Variants in SYT1 observed in about 807,000 individuals in gnomAD.
SYT1 encodes the protein synaptotagmin-1.
SYT1 carries 8 observed loss-of-function variants against 44.8 expected under a neutral mutation model. The ratio of observed to expected loss-of-function variants is 0.18; its 90% confidence interval spans 0.10 to 0.32. The LOEUF is 0.32. Among genes scored for constraint, SYT1 ranks in the 10% least tolerant of loss-of-function variants. SYT1 has a pLI of 1.00. For missense variants in SYT1, 286 were observed against 509.3 expected, an observed-to-expected ratio of 0.56 and a Z score of 4.22; for synonymous variants, 154 against 188.8, an observed-to-expected ratio of 0.82 and a Z score of 1.51.
At chr12:79,009,396 C>G (rs75514950) in intron 2 of SYT1, among the ~76,000 whole-genome samples, 11,632 of 152,210 alleles carry the variant, frequency 0.076, 575 homozygotes, top group East Asian at 0.15. Flanking sequence ...AACCTACTTT[C>G]AGTCTTCCCT....
At chr12:79,437,600 A>G (rs765406337) in intron 9 of SYT1, among the ~76,000 whole-genome samples, 7 of 152,186 alleles carry the variant, frequency 4.6e-5, no homozygotes, top group Non-Finnish European at 1.0e-4. Flanking sequence ...TGGGGTCCCT[A>G]TAATTGGAGA....
At chr12:79,110,994 G>A (rs1474719971) in intron 3 of SYT1, among the ~76,000 whole-genome samples, 1 of 152,020 alleles carries the variant, frequency 6.6e-6, no homozygotes, top group Non-Finnish European at 1.5e-5. Context: ...AACTCAACAA[G>A]CAGTGTTCCT....
chr12:79,187,426 C>A (rs897582038), intron 3 of SYT1, among the ~76,000 whole-genome samples: 2 of 152,072 alleles, frequency 1.3e-5, no homozygotes, highest in African/African-American at 4.8e-5. Context: ...GTTTTTATGT[C>A]TATCTTTAGT....
At chr12:79,327,445 C>A (rs1182243049) in intron 8 of SYT1, among the ~76,000 whole-genome samples, 1 of 152,134 alleles carries the variant, frequency 6.6e-6, no homozygotes, top group African/African-American at 2.4e-5. Flanking sequence ...AAAGCCTGTG[C>A]TCTAGGTAAC....
intron 3 of SYT1, among the ~76,000 whole-genome samples, chr12:79,206,503 TC>T (rs1254283525): frequency 6.6e-6 from 1 of 151,202 alleles, no homozygotes; most frequent in Non-Finnish European, 1.5e-5. Flanking sequence ...TTAAGAAAAA[TC>T]CCCATTTCAA....
At chr12:79,072,459 G>T (rs1469434514) in intron 3 of SYT1, among the ~76,000 whole-genome samples, 1 of 151,990 alleles carries the variant, frequency 6.6e-6, no homozygotes, top group Non-Finnish European at 1.5e-5. Flanking sequence ...ACGTACATAA[G>T]ATTAACACAT....
chr12:79,251,017 T>G (rs570912473), intron 4 of SYT1, among the ~76,000 whole-genome samples: 1 of 152,256 alleles, frequency 6.6e-6, no homozygotes, highest in South Asian at 2.1e-4. Flanking sequence ...AGCATTGTAC[T>G]CAATGTGGAA....
At chr12:79,273,525 G>A (rs1466891749) in intron 4 of SYT1, among the ~76,000 whole-genome samples, 1 of 152,142 alleles carries the variant, frequency 6.6e-6, no homozygotes, top group Admixed American at 6.6e-5. Context: ...AGTCTCCAAA[G>A]GGCAAAAGAG....
intron 4 of SYT1, among the ~76,000 whole-genome samples, chr12:79,279,129 GA>G (rs1472674900): frequency 6.6e-6 from 1 of 151,556 alleles, no homozygotes. Context: ...AGTGGATCAA[GA>G]AGGAGAGAAT....
At chr12:79,069,714 T>C (rs894588246) in intron 3 of SYT1, among the ~76,000 whole-genome samples, 1 of 152,112 alleles carries the variant, frequency 6.6e-6, no homozygotes, top group Non-Finnish European at 1.5e-5. Flanking sequence ...AATAAGGATA[T>C]AGTCAGATGT....
chr12:79,432,033 G>T (rs1869821775), intron 9 of SYT1, among the ~76,000 whole-genome samples: 2 of 152,030 alleles, frequency 1.3e-5, no homozygotes, highest in Non-Finnish European at 2.9e-5. Context: ...GGTCATCAAT[G>T]AATTAAAATG....
At chr12:79,350,023 T>A (rs1882818440) in intron 8 of SYT1, among the ~76,000 whole-genome samples, 1 of 152,124 alleles carries the variant, frequency 6.6e-6, no homozygotes, top group African/African-American at 2.4e-5. Context: ...AAGACTTCAC[T>A]GAGGAAATGA....
chr12:78,988,270 A>G (rs1869788956), intron 2 of SYT1, among the ~76,000 whole-genome samples: 2 of 151,778 alleles, frequency 1.3e-5, no homozygotes, highest in South Asian at 4.2e-4. Flanking sequence ...GATATTAAAC[A>G]AATAAACAAT....
At chr12:79,408,880 T>C (rs1004513432) in intron 9 of SYT1, among the ~76,000 whole-genome samples, 3 of 152,118 alleles carry the variant, frequency 2.0e-5, no homozygotes, top group African/African-American at 4.8e-5. Flanking sequence ...TCTACAATTA[T>C]GCACTTATCC....
intron 4 of SYT1, among the ~76,000 whole-genome samples, chr12:79,224,771 T>TATA (rs1268312502): frequency 7.0e-6 from 1 of 142,438 alleles, no homozygotes; most frequent in Non-Finnish European, 1.5e-5. Flanking sequence ...TTATTATTAT[T>TATA]ATTATTATTA....
At chr12:79,275,448 G>A (rs1376606695) in intron 4 of SYT1, among the ~76,000 whole-genome samples, 1 of 152,114 alleles carries the variant, frequency 6.6e-6, no homozygotes, top group Admixed American at 6.5e-5. Context: ...CCAGGTTCAG[G>A]CTTGCAAGAG....
At chr12:79,364,975 T>G (rs1883480825) in intron 9 of SYT1, among the ~76,000 whole-genome samples, 1 of 152,168 alleles carries the variant, frequency 6.6e-6, no homozygotes, top group South Asian at 2.1e-4. Flanking sequence ...AATATTTATC[T>G]AGAATTTTAG....
intron 9 of SYT1, among the ~76,000 whole-genome samples, chr12:79,406,110 A>G (rs532518661): frequency 6.6e-6 from 1 of 152,296 alleles, no homozygotes; most frequent in South Asian, 2.1e-4. Context: ...CATTGCTAAT[A>G]TAATTCTGTC....
intron 4 of SYT1, among the ~76,000 whole-genome samples, chr12:79,266,069 G>A (rs956739044): frequency 6.6e-6 from 1 of 152,170 alleles, no homozygotes; most frequent in Non-Finnish European, 1.5e-5. Context: ...GTGGAGCCAT[G>A]CTTACACTAT....
Sources: gnomAD v4.1 joint callset for allele counts (sites outside exome capture counted in the v4.1 genomes callset) on GRCh38, gnomAD v4.1.1 for gene constraint, MANE v1.5 for transcripts, NCBI Gene and HGNC (gene_info 2026-07-23, HGNC 2026-07-21) for gene names.